Variants in LRFN2 observed in about 807,000 individuals in gnomAD.
LRFN2 encodes leucine-rich repeat and fibronectin type-III domain-containing protein 2.
In LRFN2, 18 loss-of-function variants were observed where a neutral mutation model predicts 37.3. The ratio of observed to expected loss-of-function variants is 0.48; its 90% confidence interval spans 0.33 to 0.72. LRFN2 has a LOEUF of 0.72. LRFN2 is among the 30% of genes least tolerant of loss of function. The pLI, the probability that LRFN2 is intolerant of heterozygous loss-of-function variation, is 0.02. For missense variants in LRFN2, 1,006 were observed against 1,060.7 expected (o/e 0.95, Z 0.72); for synonymous variants, 556 against 466.6 (o/e 1.19, Z -2.47).
At chr6:40,442,013 C>A (rs1763848402) in intron 1 of LRFN2, among the ~76,000 whole-genome samples, 1 of 152,180 alleles carries the variant, frequency 6.6e-6, no homozygotes, top group African/African-American at 2.4e-5. Context: ...CCAAGGACTT[C>A]CCCAGCAGAT....
At chr6:40,512,891 T>C (rs1765753063) in intron 1 of LRFN2, among the ~76,000 whole-genome samples, 1 of 152,138 alleles carries the variant, frequency 6.6e-6, no homozygotes, top group Non-Finnish European at 1.5e-5. Context: ...GAGAGTGAAA[T>C]ATACAGAGAA....
chr6:40,497,010 G>T (rs1581750746), intron 1 of LRFN2, among the ~76,000 whole-genome samples: 2 of 152,150 alleles, frequency 1.3e-5, no homozygotes, highest in Non-Finnish European at 2.9e-5. Flanking sequence ...GTGACTGGAT[G>T]TAATAGAGCT....
intron 2 of LRFN2, among the ~76,000 whole-genome samples, chr6:40,413,385 A>ACTGGGC (rs60083124): frequency 0.035 from 5,335 of 152,222 alleles, 135 homozygotes; most frequent in East Asian, 0.075. Context: ...GCCACTCAGC[A>ACTGGGC]CTGGGCCTGG....
chr6:40,573,158 G>C (rs1767216056), intron 1 of LRFN2, among the ~76,000 whole-genome samples: 2 of 152,204 alleles, frequency 1.3e-5, no homozygotes, highest in African/African-American at 2.4e-5. Context: ...TGTGACCTTA[G>C]CTTAGGAATT....
intron 1 of LRFN2, among the ~76,000 whole-genome samples, chr6:40,437,681 G>C (rs1763719749): frequency 6.6e-6 from 1 of 152,152 alleles, no homozygotes; most frequent in African/African-American, 2.4e-5. Flanking sequence ...CCAAACAAAA[G>C]GCGGCTTAAA....
intron 1 of LRFN2, among the ~76,000 whole-genome samples, chr6:40,535,510 A>T (rs551153668): frequency 1.3e-5 from 2 of 152,160 alleles, no homozygotes; most frequent in African/African-American, 4.8e-5. Flanking sequence ...GGGTCAGGAG[A>T]CATCCCCACT....
chr6:40,547,168 G>A (rs746232153), intron 1 of LRFN2, among the ~76,000 whole-genome samples: 5 of 150,064 alleles, frequency 3.3e-5, no homozygotes, highest in South Asian at 2.1e-4. Context: ...GCAGTGGCAC[G>A]ATCTCGGCTT....
At chr6:40,550,363 C>T (rs535318397) in intron 1 of LRFN2, among the ~76,000 whole-genome samples, 3 of 149,166 alleles carry the variant, frequency 2.0e-5, no homozygotes, top group East Asian at 3.9e-4. Flanking sequence ...GGTAATCTAA[C>T]GTCTTTAGAG....
At chr6:40,567,295 T>G (rs1159261163) in intron 1 of LRFN2, among the ~76,000 whole-genome samples, 1 of 152,176 alleles carries the variant, frequency 6.6e-6, no homozygotes, top group East Asian at 1.9e-4. Context: ...TTCTCTGGGT[T>G]TCTAGTTTTC....
At chr6:40,488,491 C>G (rs1168675881) in intron 1 of LRFN2, among the ~76,000 whole-genome samples, 6 of 152,130 alleles carry the variant, frequency 3.9e-5, no homozygotes, top group Non-Finnish European at 7.3e-5. Flanking sequence ...CTTCCTGGAC[C>G]TCTTGCTTCT....
chr6:40,477,534 G>T (rs1486564106), intron 1 of LRFN2, among the ~76,000 whole-genome samples: 6 of 152,198 alleles, frequency 3.9e-5, no homozygotes, highest in African/African-American at 1.2e-4. Context: ...AGATTTGTTG[G>T]TGGGCTGGGG....
chr6:40,509,152 T>G (rs1765623655), intron 1 of LRFN2, among the ~76,000 whole-genome samples: 1 of 152,242 alleles, frequency 6.6e-6, no homozygotes, highest in Non-Finnish European at 1.5e-5. Flanking sequence ...TCTTTCTCAA[T>G]GACCTAGCCA....
At chr6:40,573,804 C>A (rs1031428049) in intron 1 of LRFN2, among the ~76,000 whole-genome samples, 3 of 152,136 alleles carry the variant, frequency 2.0e-5, no homozygotes, top group African/African-American at 7.2e-5. Flanking sequence ...ATGGTGAAAC[C>A]CCATCTCTAC....
chr6:40,524,134 G>C (rs1447045733), intron 1 of LRFN2, among the ~76,000 whole-genome samples: 1 of 152,220 alleles, frequency 6.6e-6, no homozygotes, highest in East Asian at 1.9e-4. Flanking sequence ...CCATTAGCCT[G>C]TTTTCTTAGC....
chr6:40,451,640 G>A (rs1764112654), intron 1 of LRFN2, among the ~76,000 whole-genome samples: 1 of 152,194 alleles, frequency 6.6e-6, no homozygotes. Context: ...GAATTCGGTG[G>A]TGCCGTGTGG....
chr6:40,559,854 T>G (rs1667154309), intron 1 of LRFN2, among the ~76,000 whole-genome samples: 1 of 152,168 alleles, frequency 6.6e-6, no homozygotes, highest in Non-Finnish European at 1.5e-5. Context: ...TCTCCTTCTC[T>G]GCCGTTCTTC....
At chr6:40,483,517 C>A (rs564290472) in intron 1 of LRFN2, among the ~76,000 whole-genome samples, 93 of 152,366 alleles carry the variant, frequency 6.1e-4, no homozygotes, top group Admixed American at 1.3e-3. Context: ...ACAAGAACAA[C>A]AATGGCAACG....
chr6:40,483,968 C>A (rs1216992016), intron 1 of LRFN2, among the ~76,000 whole-genome samples: 1 of 152,174 alleles, frequency 6.6e-6, no homozygotes, highest in Non-Finnish European at 1.5e-5. Flanking sequence ...CCGCCTCTGT[C>A]CCCTCTCCCT....
chr6:40,564,799 C>T (rs1767059406), intron 1 of LRFN2, among the ~76,000 whole-genome samples: 1 of 152,122 alleles, frequency 6.6e-6, no homozygotes, highest in African/African-American at 2.4e-5. Context: ...GCCCTACCTA[C>T]CTCCCCAGCA....
Sources: gnomAD v4.1 joint callset for allele counts (sites outside exome capture counted in the v4.1 genomes callset) on GRCh38, gnomAD v4.1.1 for gene constraint, MANE v1.5 for transcripts, NCBI Gene and HGNC (gene_info 2026-07-23, HGNC 2026-07-21) for gene names.